MBOAT1: variants seen among roughly 807,000 people sequenced by gnomAD.
The protein encoded by MBOAT1 is membrane bound glycerophospholipid O-acyltransferase 1, also known as membrane-bound glycerophospholipid O-acyltransferase 1.
A neutral mutation model predicts 64.4 loss-of-function variants in MBOAT1; 67 were observed. That is an observed-to-expected ratio of 1.04 (90% CI 0.85 to 1.27). The LOEUF (loss-of-function observed/expected upper bound fraction) is 1.27, where lower values mean the gene tolerates loss of function less well. Ranked by LOEUF, MBOAT1 falls within the 50% of genes most tolerant of loss-of-function variation. The pLI is 0.00. For synonymous variants in MBOAT1, 229 were observed against 218.9 expected (o/e 1.05, Z -0.41); for missense variants, 563 against 604.6 (o/e 0.93, Z 0.72).
At chr6:20,199,428 C>T (rs1259390225) in intron 1 of MBOAT1, among the ~76,000 whole-genome samples, 1 of 152,174 alleles carries the variant, frequency 6.6e-6, no homozygotes, top group African/African-American at 2.4e-5. Context: ...CGTACATCAA[C>T]TTAAGTTTTG....
Position 20,102,271 on chromosome 6 carries a change from C to T in MBOAT1, c.*15G>A, listed in dbSNP as rs533161079. 13 of 1,610,252 alleles carry T rather than the reference C, an allele frequency of 8.1e-6. No individual in the cohort carries two copies. The highest frequency in any genetic ancestry group is 5.6e-5 in the South Asian group (5 of 89,960). ...ACGTTCTGCAGTTTTGCTTGTTCCG[C>T]TTCTCTTGGAGGTATCAATCTGTTT... On this transcript the variant is annotated 3_prime_UTR_variant, in exon 13 of 13. Transcript: ENST00000324607.
At chr6:20,195,103 C>T (rs1284762807) in intron 1 of MBOAT1, among the ~76,000 whole-genome samples, 1 of 152,188 alleles carries the variant, frequency 6.6e-6, no homozygotes. Context: ...TAGGCATATG[C>T]CACCATGCCC....
At chr6:20,158,917 A>G (rs1407755476) in intron 1 of MBOAT1, among the ~76,000 whole-genome samples, 1 of 152,194 alleles carries the variant, frequency 6.6e-6, no homozygotes, top group African/African-American at 2.4e-5. Flanking sequence ...ATGAAAGATA[A>G]CAAGTGCTTG....
intron 12 of MBOAT1, 104 bp downstream of exon 12, chr6:20,109,494 T>C: frequency 2.2e-6 from 3 of 1,367,406 alleles, no homozygotes; most frequent in Non-Finnish European, 2.0e-6. Flanking sequence ...AAGCCCCAGT[T>C]AGAAGTGTTT....
At chr6:20,197,193 C>T (rs2113764839) in intron 1 of MBOAT1, among the ~76,000 whole-genome samples, 1 of 152,086 alleles carries the variant, frequency 6.6e-6, no homozygotes, top group East Asian at 1.9e-4. Context: ...CTCAAGGGAT[C>T]CTCCTGCCTC....
chr6:20,120,737 C>T (rs1760472078), intron 8 of MBOAT1, among the ~76,000 whole-genome samples: 1 of 152,168 alleles, frequency 6.6e-6, no homozygotes, highest in Non-Finnish European at 1.5e-5. Flanking sequence ...CTTGATTCCA[C>T]AACCTGAGCA....
rs566370171 is a variant in MBOAT1 at position 20,177,512 on chromosome 6, T to C, written c.100-24743A>G. Among the ~76,000 whole-genome samples the C allele has an allele frequency of 2.0e-5, 3 of 152,118 alleles. No individual in the cohort carries two copies. In the East Asian group the frequency reaches 5.8e-4, roughly 29 times the overall value. ...CCCAGACAAAGCACAGCATTTTGAT[T>C]TCTGTAATCTCAGCACTTTGGGAGG... On this transcript the variant is annotated intron_variant, in intron 1 of 12. Coordinates refer to ENST00000324607, the MANE Select transcript of MBOAT1 (RefSeq NM_001080480.3).
chr6:20,133,391 C>G (rs773888083), intron 4 of MBOAT1, among the ~76,000 whole-genome samples: 2 of 152,202 alleles, frequency 1.3e-5, no homozygotes, highest in African/African-American at 4.8e-5. Flanking sequence ...TTAGACCAGA[C>G]TGTAGCTCAC....
chr6:20,179,214 C>A (rs943550801), intron 1 of MBOAT1, among the ~76,000 whole-genome samples: 3 of 151,672 alleles, frequency 2.0e-5, no homozygotes, highest in Non-Finnish European at 4.4e-5. Flanking sequence ...AAGTTAATGG[C>A]CCCAAAACCC....
At chr6:20,162,192 A>G (rs1049362145) in intron 1 of MBOAT1, among the ~76,000 whole-genome samples, 28 of 152,172 alleles carry the variant, frequency 1.8e-4, no homozygotes, top group African/African-American at 6.3e-4. Context: ...GGGGTTTAGG[A>G]CTTCAACATT....
chr6:20,201,745 T>C (rs1763129054), intron 1 of MBOAT1, among the ~76,000 whole-genome samples: 2 of 151,954 alleles, frequency 1.3e-5, no homozygotes, highest in African/African-American at 4.8e-5. Context: ...CACACCCGGC[T>C]AATTTTTGTA....
At chr6:20,109,864 C>T (rs1760073102) in intron 11 of MBOAT1, 115 bp from the exon 12 acceptor site, 1 of 762,304 alleles carries the variant, frequency 1.3e-6, no homozygotes. Context: ...AGATAACCAA[C>T]ATCTGAGTTG....
At position 20,200,980 on chromosome 6, in the gene MBOAT1, A is replaced by G. The variant is rs192080907; in HGVS notation, c.99+11156T>C. Among the ~76,000 whole-genome samples the G allele has an allele frequency of 3.4e-4, 52 of 152,314 alleles. 2 individuals carry two copies. In the East Asian group the frequency reaches 9.1e-3, roughly 27 times the overall value. On this transcript the variant is annotated intron_variant, in intron 1 of 12. Coordinates refer to ENST00000324607, the MANE Select transcript of MBOAT1 (RefSeq NM_001080480.3). ...TATCTACAAAAAAATACACAGTTGC[A>G]TCACTCAAACACAGGAGGCAAAGAG... is the stretch of plus-strand genomic sequence containing the variant.
intron 1 of MBOAT1, among the ~76,000 whole-genome samples, chr6:20,156,041 G>A (rs972369136): frequency 1.3e-5 from 2 of 151,978 alleles, no homozygotes; most frequent in African/African-American, 4.8e-5. Context: ...GGCCGAGGCG[G>A]GCAGATCACG....
At chr6:20,104,340 G>C (rs929257210) in intron 12 of MBOAT1, among the ~76,000 whole-genome samples, 1 of 152,144 alleles carries the variant, frequency 6.6e-6, no homozygotes, top group Non-Finnish European at 1.5e-5. Context: ...CTCTACTCAA[G>C]TATAAAAGGT....
intron 4 of MBOAT1, 107 bp from the exon 5 acceptor site, chr6:20,131,306 A>C: frequency 9.9e-7 from 1 of 1,005,106 alleles, no homozygotes; most frequent in Non-Finnish European, 1.6e-6. Context: ...CATAATCCCC[A>C]CATGTCGTGG....
rs944070885 is a variant in MBOAT1, at chr6:20,100,241, A to G, written c.*2045T>C. ...CATCAATCACATTGTAAATTCAAAG[A>G]CTTCACTGTAATATGATTATTCCAC... On this transcript the variant is annotated 3_prime_UTR_variant, in exon 13 of 13. Coordinates refer to ENST00000324607, the MANE Select transcript of MBOAT1 (RefSeq NM_001080480.3). 6.6e-6 allele frequency among the ~76,000 whole-genome samples: 1 copy of G among 152,138 alleles called. No individual in the cohort carries two copies. Among genetic ancestry groups the G allele is most frequent in the Non-Finnish European group, 1.5e-5 (1 of 68,032 alleles).
At chr6:20,211,220 A>G (rs1487431019) in intron 1 of MBOAT1, among the ~76,000 whole-genome samples, 1 of 152,138 alleles carries the variant, frequency 6.6e-6, no homozygotes, top group Non-Finnish European at 1.5e-5. Flanking sequence ...TGCTCTTGTT[A>G]AAAGGAAAGG....
intron 1 of MBOAT1, among the ~76,000 whole-genome samples, chr6:20,163,080 A>G (rs1324361367): frequency 1.3e-5 from 2 of 152,218 alleles, no homozygotes; most frequent in Non-Finnish European, 2.9e-5. Flanking sequence ...ACTTACTCCA[A>G]TGGCTAAAAG....
Sources: gnomAD v4.1 joint callset for allele counts (sites outside exome capture counted in the v4.1 genomes callset) on GRCh38, gnomAD v4.1.1 for gene constraint, MANE v1.5 for transcripts, NCBI Gene and HGNC (gene_info 2026-07-23, HGNC 2026-07-21) for gene names.